The following FBXL7 variants were observed in gnomAD, a reference collection of about 807,000 sequenced individuals.
FBXL7 encodes the protein F-box and leucine rich repeat protein 7.
In FBXL7, 12 loss-of-function variants were observed where a neutral mutation model predicts 38.3. The ratio of observed to expected loss-of-function variants is 0.31; its 90% CI spans 0.20 to 0.51. The LOEUF is 0.51. Among genes scored for constraint, FBXL7 ranks in the 20% least tolerant of loss-of-function variants. FBXL7 has a pLI of 0.98. For synonymous variants in FBXL7, 297 were observed against 300.9 expected (o/e 0.99, Z 0.13); for missense variants, 567 against 676.4 (o/e 0.84, Z 1.79).
chr5:15,613,318 G>T (rs1376768323), intron 1 of FBXL7, among the ~76,000 whole-genome samples: 1 of 152,126 alleles, frequency 6.6e-6, no homozygotes, highest in African/African-American at 2.4e-5. Flanking sequence ...GGTAGACTGG[G>T]GTCAGAGGCC....
intron 2 of FBXL7, among the ~76,000 whole-genome samples, chr5:15,871,840 G>A (rs182445692): frequency 6.6e-6 from 1 of 152,238 alleles, no homozygotes; most frequent in Non-Finnish European, 1.5e-5. Context: ...TGGGGAGAAT[G>A]GAACCAAGTT....
At chr5:15,723,306 A>T (rs1364705401) in intron 2 of FBXL7, among the ~76,000 whole-genome samples, 1 of 152,216 alleles carries the variant, frequency 6.6e-6, no homozygotes, top group Non-Finnish European at 1.5e-5. Flanking sequence ...TGAGATAATA[A>T]CTTTTGAATA....
At chr5:15,719,771 A>G (rs915595487) in intron 2 of FBXL7, among the ~76,000 whole-genome samples, 13 of 149,202 alleles carry the variant, frequency 8.7e-5, no homozygotes, top group African/African-American at 2.7e-4. Flanking sequence ...AACATCAGAC[A>G]TTCTGTAGGA....
intron 1 of FBXL7, among the ~76,000 whole-genome samples, chr5:15,554,533 C>T (rs939238931): frequency 2.6e-5 from 4 of 152,048 alleles, no homozygotes; most frequent in Non-Finnish European, 5.9e-5. Context: ...ATGAGAAAAC[C>T]CAGAATAAAA....
intron 2 of FBXL7, among the ~76,000 whole-genome samples, chr5:15,848,541 C>G (rs1444383557): frequency 2.0e-5 from 3 of 151,998 alleles, no homozygotes; most frequent in Non-Finnish European, 2.9e-5. Flanking sequence ...GCCACCACGC[C>G]CAGCTAATAT....
chr5:15,637,804 G>A (rs1741232812), intron 2 of FBXL7, among the ~76,000 whole-genome samples: 2 of 152,206 alleles, frequency 1.3e-5, no homozygotes, highest in African/African-American at 2.4e-5. Flanking sequence ...ATTCTTCATA[G>A]TAGAGATCTA....
intron 1 of FBXL7, among the ~76,000 whole-genome samples, chr5:15,528,023 C>A (rs1032212262): frequency 6.6e-6 from 1 of 152,178 alleles, no homozygotes; most frequent in Non-Finnish European, 1.5e-5. Context: ...TTATAATTTT[C>A]ATATATTACA....
intron 2 of FBXL7, among the ~76,000 whole-genome samples, chr5:15,635,620 G>A (rs574810307): frequency 1.3e-4 from 20 of 152,324 alleles, no homozygotes; most frequent in South Asian, 8.3e-4. Flanking sequence ...TAGCCCTAGA[G>A]CTGGAGGGAG....
rs2126473510 is a variant in FBXL7 at position 15,936,322 on chromosome 5, G to A, written c.740-128G>A. 5 of 1,116,032 alleles carry A rather than the reference G, an allele frequency of 4.5e-6. No individual in the cohort carries two copies. In the South Asian group the frequency reaches 8.1e-5, roughly 18 times the overall value. 69.1% of individuals were successfully genotyped at this position (1,116,032 alleles called of 1,614,324 possible). A position where few individuals can be genotyped will look rare whatever the true frequency, so the allele number is the denominator to read the frequency against. On this transcript the variant is annotated intron_variant, in intron 3 of 3. Coordinates refer to ENST00000504595, the MANE Select transcript of FBXL7 (RefSeq NM_012304.5). The surrounding 1 kb of genome is among the most constrained non-coding windows in gnomAD (Gnocchi z 6.0). ...TGCATTTCCTCTCTATAGAGACCAA[G>A]ACAGGAAAGGGTAACATCAGCCTCG...
At position 15,913,240 on chromosome 5, in the gene FBXL7, C is replaced by CTTTT. The variant is rs71605517; in HGVS notation, c.128-14642_128-14639dup. Among the ~76,000 whole-genome samples, 881 of 144,282 alleles carry CTTTT rather than the reference C, an allele frequency of 6.1e-3. 9 individuals carry two copies. The highest frequency in any genetic ancestry group is 0.021 in the African/African-American group (830 of 39,362). 94.7% of individuals were successfully genotyped at this position (144,282 alleles called of 152,430 possible). On this transcript the variant is annotated intron_variant, in intron 2 of 3. Coordinates refer to ENST00000504595, the MANE Select transcript of FBXL7 (RefSeq NM_012304.5). ...TTTCAACAACAGTGGATCATATTTT[C>CTTTT]TTTTTTTTTTTAATGTTTTTTTTTA...
intron 2 of FBXL7, among the ~76,000 whole-genome samples, chr5:15,773,798 C>T (rs562381594): frequency 4.6e-5 from 7 of 152,068 alleles, no homozygotes; most frequent in African/African-American, 1.4e-4. Context: ...TGATATGGTT[C>T]TATGTAAACT....
intron 2 of FBXL7, among the ~76,000 whole-genome samples, chr5:15,878,946 T>C (rs1193697020): frequency 6.6e-6 from 1 of 152,176 alleles, no homozygotes; most frequent in East Asian, 1.9e-4. Context: ...TTTGCATTAG[T>C]ATCAGAAAGC....
intron 2 of FBXL7, among the ~76,000 whole-genome samples, chr5:15,619,180 C>G (rs1740545596): frequency 6.6e-6 from 1 of 152,056 alleles, no homozygotes; most frequent in Non-Finnish European, 1.5e-5. Flanking sequence ...TTCCTTTTTC[C>G]CCGGTGGCAT....
chr5:15,609,426 GGTGTCTTTTGTGA>G (rs1409813649), intron 1 of FBXL7, among the ~76,000 whole-genome samples: 31 of 152,146 alleles, frequency 2.0e-4, no homozygotes, highest in East Asian at 7.7e-4. Flanking sequence ...AGTTATTGCT[GGTGTCTTTTGTGA>G]GTGTCTTTTG....
At chr5:15,621,802 A>G (rs1740654103) in intron 2 of FBXL7, among the ~76,000 whole-genome samples, 7 of 152,230 alleles carry the variant, frequency 4.6e-5, no homozygotes, top group Admixed American at 4.6e-4. Flanking sequence ...TATTAATATG[A>G]TATCTTGGTT....
chr5:15,848,253 C>T (rs1029046105), intron 2 of FBXL7, among the ~76,000 whole-genome samples: 2 of 152,160 alleles, frequency 1.3e-5, no homozygotes, highest in African/African-American at 4.8e-5. Context: ...GAAGGCTTTT[C>T]TGATGCTTTG....
intron 2 of FBXL7, among the ~76,000 whole-genome samples, chr5:15,891,070 G>A (rs889934584): frequency 1.3e-5 from 2 of 152,062 alleles, no homozygotes; most frequent in Non-Finnish European, 2.9e-5. Flanking sequence ...GGTATTGTTG[G>A]TGCCATAACC....
intron 1 of FBXL7, among the ~76,000 whole-genome samples, chr5:15,515,931 T>C (rs1237334341): frequency 1.3e-5 from 2 of 152,212 alleles, no homozygotes; most frequent in Non-Finnish European, 2.9e-5. Context: ...AAATTTGGAA[T>C]TAATTTAAAA....
chr5:15,867,319 C>T (rs1212357162), intron 2 of FBXL7, among the ~76,000 whole-genome samples: 1 of 152,176 alleles, frequency 6.6e-6, no homozygotes, highest in East Asian at 1.9e-4. Flanking sequence ...CCTATCATCT[C>T]CACCTTCTCC....
Sources: gnomAD v4.1 joint callset for allele counts (sites outside exome capture counted in the v4.1 genomes callset) on GRCh38, gnomAD v4.1.1 for gene constraint, Gnocchi (gnomAD v3.1) non-coding constraint, MANE v1.5 for transcripts, NCBI Gene and HGNC (gene_info 2026-07-23, HGNC 2026-07-21) for gene names.